Variants in KLF8 observed in about 807,000 individuals in gnomAD.
The protein encoded by KLF8 is KLF transcription factor 8, also known as Krueppel-like factor 8.
KLF8 carries 10 observed loss-of-function variants against 18.2 expected under a neutral mutation model. The observed-to-expected ratio is 0.55, with a 90% CI of 0.34 to 0.93. The LOEUF is 0.93. KLF8 is among the 40% of genes least tolerant of loss of function. KLF8 has a pLI of 0.02. For missense variants in KLF8, 264 were observed against 277.9 expected (o/e 0.95, Z 0.36); for synonymous variants, 109 against 97.3 (o/e 1.12, Z -0.71).
intron 3 of KLF8, chrX:56,268,573 A>G (rs1483165605): frequency 8.5e-6 from 2 of 234,478 alleles, no homozygotes; most frequent in Non-Finnish European, 1.2e-5. Context: ...ATACCGATAC[A>G]TGTATATCAC....
the KLF8 span, among the ~76,000 whole-genome samples, chrX:56,043,157 A>G: frequency 1.8e-5 from 2 of 110,756 alleles, no homozygotes; most frequent in Admixed American, 9.6e-5. Context: ...AATCTTTTCC[A>G]GCTTGTAGGG....
chrX:56,172,455 A>G, the KLF8 span, among the ~76,000 whole-genome samples: 12 of 111,518 alleles, frequency 1.1e-4, no homozygotes, highest in Non-Finnish European at 2.1e-4. Context: ...TTATGGCTGC[A>G]TAGTATTCCT....
the KLF8 span, among the ~76,000 whole-genome samples, chrX:56,048,418 T>A: frequency 7.1e-5 from 8 of 112,149 alleles, no homozygotes; most frequent in African/African-American, 2.6e-4. Flanking sequence ...ATGTAAGTCT[T>A]TAATCCATCT....
the KLF8 span, among the ~76,000 whole-genome samples, chrX:55,947,717 C>T: frequency 9.0e-6 from 1 of 111,404 alleles, no homozygotes; most frequent in Non-Finnish European, 1.9e-5. Flanking sequence ...GAGTTTTGTG[C>T]CTAAGTCTAA....
At chrX:56,217,418 T>C in the KLF8 span, among the ~76,000 whole-genome samples, 1 of 109,540 alleles carries the variant, frequency 9.1e-6, no homozygotes, top group Admixed American at 9.9e-5. Flanking sequence ...ATTTATTTAT[T>C]CATTTATTTT....
chrX:56,072,352 A>G, the KLF8 span, among the ~76,000 whole-genome samples: 1 of 111,954 alleles, frequency 8.9e-6, no homozygotes, highest in Non-Finnish European at 1.9e-5. Flanking sequence ...ATAAACAACA[A>G]TAACTATAAT....
chrX:56,007,751 G>C, the KLF8 span, among the ~76,000 whole-genome samples: 1 of 111,183 alleles, frequency 9.0e-6, no homozygotes, highest in African/African-American at 3.3e-5. Context: ...AAAGTACAAT[G>C]CATTAGACTA....
chrX:56,100,560 G>C, the KLF8 span, among the ~76,000 whole-genome samples: 1 of 112,240 alleles, frequency 8.9e-6, no homozygotes, highest in Middle Eastern at 4.6e-3. Context: ...TGAAGGGTTT[G>C]TCATTCTAGG....
chrX:56,174,545 G>A, the KLF8 span, among the ~76,000 whole-genome samples: 8 of 111,758 alleles, frequency 7.2e-5, no homozygotes, highest in Non-Finnish European at 1.1e-4. Context: ...AAGGATATTC[G>A]TCTAAAATTC....
At chrX:55,960,393 A>T in the KLF8 span, among the ~76,000 whole-genome samples, 2 of 111,329 alleles carry the variant, frequency 1.8e-5, no homozygotes, top group Non-Finnish European at 3.8e-5. Context: ...GTGCACGCCT[A>T]TAATCTCAGC....
the KLF8 span, among the ~76,000 whole-genome samples, chrX:55,940,049 C>G: frequency 1.1e-4 from 12 of 111,374 alleles, no homozygotes; most frequent in African/African-American, 3.6e-4. Flanking sequence ...ATCCTGATAC[C>G]AAAGCCTGGC....
chrX:56,111,156 T>C, the KLF8 span, among the ~76,000 whole-genome samples: 2 of 112,647 alleles, frequency 1.8e-5, no homozygotes, highest in Admixed American at 9.4e-5. Flanking sequence ...GCCTACTGCC[T>C]TCTAACTCTT....
chrX:56,003,284 C>A, the KLF8 span, among the ~76,000 whole-genome samples: 1 of 110,515 alleles, frequency 9.0e-6, no homozygotes, highest in African/African-American at 3.3e-5. Flanking sequence ...GTGGTGTGAT[C>A]CTATAGTCCC....
chrX:56,094,700 G>A, the KLF8 span, among the ~76,000 whole-genome samples: 50 of 110,580 alleles, frequency 4.5e-4, no homozygotes, highest in African/African-American at 1.6e-3. Context: ...CCACAATCTG[G>A]GCCATAAAGT....
chrX:56,104,536 G>T, the KLF8 span, among the ~76,000 whole-genome samples: 1 of 111,631 alleles, frequency 9.0e-6, no homozygotes, highest in Non-Finnish European at 1.9e-5. Flanking sequence ...ATGGTACTTT[G>T]TATTTCTGTG....
chrX:56,024,150 C>T, the KLF8 span, among the ~76,000 whole-genome samples: 3 of 110,787 alleles, frequency 2.7e-5, no homozygotes, highest in South Asian at 3.8e-4. Flanking sequence ...TACAACACTG[C>T]GTACTGACAA....
the KLF8 span, among the ~76,000 whole-genome samples, chrX:56,154,458 A>C: frequency 8.9e-6 from 1 of 111,920 alleles, no homozygotes; most frequent in South Asian, 3.7e-4. Context: ...TTAATTCAAG[A>C]TGGATGAAAG....
the KLF8 span, among the ~76,000 whole-genome samples, chrX:56,170,624 A>C: frequency 9.1e-6 from 1 of 110,315 alleles, no homozygotes. Flanking sequence ...AGGACATTTA[A>C]AAATATATGG....
the KLF8 span, among the ~76,000 whole-genome samples, chrX:56,012,550 C>T: frequency 1.8e-5 from 2 of 111,919 alleles, no homozygotes; most frequent in East Asian, 5.6e-4. Flanking sequence ...CAAGGATGCA[C>T]TCTCTCAACA....
Sources: allele counts gnomAD v4.1 joint callset (sites outside exome capture counted in the v4.1 genomes callset), GRCh38; gene constraint gnomAD v4.1.1; transcripts MANE v1.5; gene names NCBI Gene and HGNC (gene_info 2026-07-23, HGNC 2026-07-21).